GRXCR1: variants seen among roughly 807,000 people sequenced by gnomAD.
The protein encoded by GRXCR1 is glutaredoxin domain-containing cysteine-rich protein 1.
A neutral mutation model predicts 27.3 loss-of-function variants in GRXCR1; 27 were observed. The observed-to-expected ratio is 0.99, with a 90% CI of 0.73 to 1.37. GRXCR1 has a LOEUF of 1.37. Ranked by LOEUF, GRXCR1 falls within the 40% of genes most tolerant of loss-of-function variation. The pLI is 0.00. For synonymous variants in GRXCR1, 122 were observed against 131.1 expected (o/e 0.93, Z 0.47); for missense variants, 379 against 354.4 (o/e 1.07, Z -0.56).
intron 2 of GRXCR1, among the ~76,000 whole-genome samples, chr4:42,981,772 A>T (rs1748675775): frequency 6.6e-6 from 1 of 151,988 alleles, no homozygotes; most frequent in South Asian, 2.1e-4. Flanking sequence ...TCCTTGTCTT[A>T]TGGTTTCTGC....
intron 2 of GRXCR1, among the ~76,000 whole-genome samples, chr4:42,973,773 A>G (rs1489419819): frequency 6.6e-6 from 1 of 152,164 alleles, no homozygotes; most frequent in East Asian, 1.9e-4. Flanking sequence ...TATTTGATGG[A>G]TAGGTTATTT....
At chr4:42,899,535 T>A (rs1309499492) in intron 1 of GRXCR1, among the ~76,000 whole-genome samples, 2 of 152,156 alleles carry the variant, frequency 1.3e-5, no homozygotes, top group Non-Finnish European at 2.9e-5. Flanking sequence ...CTCCTTTTAG[T>A]CTTTCTCTTA....
intron 1 of GRXCR1, among the ~76,000 whole-genome samples, chr4:42,942,580 G>A (rs1222252535): frequency 6.6e-6 from 1 of 152,098 alleles, no homozygotes; most frequent in Non-Finnish European, 1.5e-5. Context: ...AACACTGCAA[G>A]CCTTCAGGTT....
intron 2 of GRXCR1, among the ~76,000 whole-genome samples, chr4:42,964,801 G>A (rs542945206): frequency 1.3e-5 from 2 of 152,118 alleles, no homozygotes; most frequent in African/African-American, 2.4e-5. Context: ...GATGAATTAT[G>A]CTATATTGCC....
At chr4:42,977,887 T>C (rs576490680) in intron 2 of GRXCR1, among the ~76,000 whole-genome samples, 1 of 152,114 alleles carries the variant, frequency 6.6e-6, no homozygotes, top group Non-Finnish European at 1.5e-5. Flanking sequence ...GCCCAGACTG[T>C]TGTGGAGAAT....
chr4:42,903,857 T>A (rs1389717808), intron 1 of GRXCR1, among the ~76,000 whole-genome samples: 1 of 152,166 alleles, frequency 6.6e-6, no homozygotes, highest in Non-Finnish European at 1.5e-5. Context: ...TTATGAGAAC[T>A]GAAACAGACC....
chr4:42,985,772 G>A (rs1711696922), intron 2 of GRXCR1, among the ~76,000 whole-genome samples: 1 of 151,988 alleles, frequency 6.6e-6, no homozygotes, highest in Non-Finnish European at 1.5e-5. Context: ...AGAAAGAATT[G>A]GGAGAGCCAA....
At chr4:43,003,598 G>A (rs1712456461) in intron 2 of GRXCR1, among the ~76,000 whole-genome samples, 1 of 152,202 alleles carries the variant, frequency 6.6e-6, no homozygotes. Flanking sequence ...GAGAACTGGA[G>A]CAAAGGTCAC....
intron 1 of GRXCR1, among the ~76,000 whole-genome samples, chr4:42,913,328 A>G (rs1166613442): frequency 6.6e-6 from 1 of 152,150 alleles, no homozygotes; most frequent in Non-Finnish European, 1.5e-5. Context: ...TTTTGACCAA[A>G]ATGCTGATAG....
At chr4:42,946,696 G>A (rs1348231543) in intron 1 of GRXCR1, among the ~76,000 whole-genome samples, 1 of 152,072 alleles carries the variant, frequency 6.6e-6, no homozygotes, top group Non-Finnish European at 1.5e-5. Context: ...GTTCCCTCTG[G>A]CCTCTTTTAT....
Position 42,903,308 on chromosome 4 carries a change from ATTTTT to A in GRXCR1, c.384+9682_384+9686del, listed in dbSNP as rs35512711. ...AAAAATTTGGGCCACAGCTTTGTAG[ATTTTT>A]TTTTTTTTTTTTTTTTTTTTTTTAG... On this transcript the variant is annotated intron_variant, in intron 1 of 3. Coordinates refer to ENST00000399770, the MANE Select transcript of GRXCR1 (RefSeq NM_001080476.3). Among the ~76,000 whole-genome samples the A allele has an allele frequency of 6.0e-4, 38 of 63,224 alleles. 1 individual carries two copies. The highest frequency in any genetic ancestry group is 0.012 in the Middle Eastern group (1 of 84). The allele number at this position is 63,224 out of a possible 152,430, so 41.5% of individuals were successfully genotyped here.
intron 2 of GRXCR1, among the ~76,000 whole-genome samples, chr4:42,973,118 T>C (rs1479478870): frequency 6.6e-6 from 1 of 152,174 alleles, no homozygotes; most frequent in Non-Finnish European, 1.5e-5. Context: ...AGCCAGTCTA[T>C]AGTCACTTGT....
intron 1 of GRXCR1, among the ~76,000 whole-genome samples, chr4:42,928,638 A>T (rs954601626): frequency 1.3e-5 from 2 of 152,040 alleles, no homozygotes; most frequent in African/African-American, 4.8e-5. Flanking sequence ...TTGCAAAAGC[A>T]CATGGAAGCA....
chr4:42,944,082 A>G (rs988704510), intron 1 of GRXCR1, among the ~76,000 whole-genome samples: 3 of 152,138 alleles, frequency 2.0e-5, no homozygotes, highest in African/African-American at 7.2e-5. Context: ...CAATAGGAAC[A>G]GAGCAATACA....
At chr4:42,954,110 C>T (rs528425507) in intron 1 of GRXCR1, among the ~76,000 whole-genome samples, 2 of 152,048 alleles carry the variant, frequency 1.3e-5, no homozygotes. Flanking sequence ...ATGAAAAAAA[C>T]TAAGTCCTTG....
chr4:42,932,617 T>TATATAC lies in GRXCR1; in HGVS notation c.385-30272_385-30271insTACATA, dbSNP rs1747351631. On this transcript the variant is annotated intron_variant, in intron 1 of 3. Coordinates refer to ENST00000399770, the MANE Select transcript of GRXCR1 (RefSeq NM_001080476.3). ...ATATATATATATATATATATATATA[T>TATATAC]ATAGAGAGAGAGAGAGAGAGAGAGA... Among the ~76,000 whole-genome samples the TATATAC allele has an allele frequency of 3.8e-4, 11 of 29,136 alleles. No homozygotes were observed. In the East Asian group the frequency reaches 5.3e-3, roughly 14 times the overall value. The allele number at this position is 29,136 out of a possible 152,430, so 19.1% of individuals were successfully genotyped here.
intron 2 of GRXCR1, among the ~76,000 whole-genome samples, chr4:42,992,978 TC>T (rs979643447): frequency 6.6e-6 from 1 of 152,076 alleles, no homozygotes; most frequent in African/African-American, 2.4e-5. Flanking sequence ...GAAGGCTTTT[TC>T]CCCCCTTCCT....
chr4:43,029,065 G>T (rs948748868), intron 3 of GRXCR1, among the ~76,000 whole-genome samples: 16 of 152,084 alleles, frequency 1.1e-4, no homozygotes, highest in South Asian at 2.1e-4. Flanking sequence ...ATCAATATTA[G>T]ATTGATGTTT....
In GRXCR1 at chr4:42,973,982, T is replaced by C. The variant is rs113833757; in HGVS notation, c.627+10848T>C. 3.6e-3 allele frequency among the ~76,000 whole-genome samples: 543 copies of C among 152,294 alleles called. 5 individuals are homozygous for C. The highest frequency in any genetic ancestry group is 0.011 in the African/African-American group (454 of 41,574). On this transcript the variant is annotated intron_variant, in intron 2 of 3. Transcript: ENST00000399770. ...AAGCACAAACAAATTGGTGGCTATCTGCACAACAATGTACCAAAGTGCATG... is the reference window on the plus strand; with the variant it reads ...AAGCACAAACAAATTGGTGGCTATCCGCACAACAATGTACCAAAGTGCATG...
Sources: allele counts gnomAD v4.1 joint callset (sites outside exome capture counted in the v4.1 genomes callset), GRCh38; gene constraint gnomAD v4.1.1; transcripts MANE v1.5; gene names NCBI Gene and HGNC (gene_info 2026-07-23, HGNC 2026-07-21).